Variants in MRTFB observed in about 807,000 individuals in gnomAD.
MRTFB encodes the protein myocardin-related transcription factor B.
A neutral mutation model predicts 104.2 loss-of-function variants in MRTFB; 29 were observed. The ratio of observed to expected loss-of-function variants is 0.28; its 90% confidence interval spans 0.21 to 0.38. The LOEUF is 0.38. Among genes scored for constraint, MRTFB ranks in the 10% least tolerant of loss-of-function variants. The pLI, the probability that MRTFB is intolerant of heterozygous loss-of-function variation, is 1.00. For missense variants in MRTFB, 1,270 were observed against 1,341.6 expected (o/e 0.95, Z 0.83); for synonymous variants, 535 against 519.5 (o/e 1.03, Z -0.41).
intron 3 of MRTFB, chr16:14,186,593 G>A (rs566116827): frequency 6.7e-5 from 42 of 629,460 alleles, no homozygotes; most frequent in South Asian, 5.7e-4. Flanking sequence ...TCCCCAGCGC[G>A]GGGGAAGCTG....
intron 8 of MRTFB, among the ~76,000 whole-genome samples, chr16:14,222,676 C>T (rs1315569359): frequency 6.6e-6 from 1 of 151,494 alleles, no homozygotes; most frequent in Admixed American, 6.6e-5. Flanking sequence ...CACTTGACCC[C>T]AGGAGTTCAA....
At chr16:14,160,830 C>A (rs980648887) in intron 3 of MRTFB, among the ~76,000 whole-genome samples, 3 of 152,118 alleles carry the variant, frequency 2.0e-5, no homozygotes, top group Non-Finnish European at 4.4e-5. Context: ...TGACCCCTTT[C>A]ATGGTGGTTT....
the MRTFB span, among the ~76,000 whole-genome samples, chr16:14,031,378 A>G: frequency 6.7e-6 from 1 of 150,272 alleles, no homozygotes; most frequent in South Asian, 2.1e-4. Context: ...TGGGCGACAG[A>G]GTGAGGCTGT....
chr16:14,078,583 A>G (rs964346515), intron 1 of MRTFB, among the ~76,000 whole-genome samples: 3 of 141,724 alleles, frequency 2.1e-5, no homozygotes, highest in Non-Finnish European at 4.6e-5. Flanking sequence ...GGGCACCACC[A>G]CTCCTGGCAA....
intron 3 of MRTFB, among the ~76,000 whole-genome samples, 194 bp from the exon 4 acceptor site, chr16:14,210,049 T>C (rs13334851): frequency 0.054 from 8,241 of 152,310 alleles, 696 homozygotes; most frequent in African/African-American, 0.18. Context: ...GTGTAAACTT[T>C]AGTGTTCACT....
chr16:14,131,779 A>T (rs886496000), intron 2 of MRTFB, among the ~76,000 whole-genome samples: 2 of 95,864 alleles, frequency 2.1e-5, no homozygotes, highest in Non-Finnish European at 3.5e-5. Context: ...ACTATAATTT[A>T]AAAAAAAAAA....
At chr16:14,127,917 ATATATATATATATTTTTTTTTTTT>A (rs1291841461) in intron 2 of MRTFB, among the ~76,000 whole-genome samples, 1,037 of 51,100 alleles carry the variant, frequency 0.02, 22 homozygotes, top group African/African-American at 0.06. Context: ...ATATATATAT[ATATATATATATATTTTTTTTTTTT>A]TTTTTTTTTT....
intron 2 of MRTFB, among the ~76,000 whole-genome samples, chr16:14,080,328 A>G (rs2034321889): frequency 6.6e-6 from 1 of 152,232 alleles, no homozygotes; most frequent in African/African-American, 2.4e-5. Context: ...GTTAATGTAT[A>G]TGTAACTTTT....
At chr16:14,106,042 T>A (rs917914455) in intron 2 of MRTFB, among the ~76,000 whole-genome samples, 2 of 152,220 alleles carry the variant, frequency 1.3e-5, no homozygotes, top group African/African-American at 4.8e-5. Context: ...AAACTAAGTC[T>A]CTTAATGCTA....
chr16:14,081,356 G>GT (rs377727430), intron 2 of MRTFB, among the ~76,000 whole-genome samples: 29 of 143,914 alleles, frequency 2.0e-4, no homozygotes, highest in African/African-American at 5.3e-4. Flanking sequence ...GCAATGCTGT[G>GT]ATCTTGGCTC....
At chr16:14,140,089 C>A (rs916520109) in intron 2 of MRTFB, among the ~76,000 whole-genome samples, 1 of 152,196 alleles carries the variant, frequency 6.6e-6, no homozygotes, top group Non-Finnish European at 1.5e-5. Context: ...CTGTTATTCT[C>A]ACCCTGAGAC....
intron 3 of MRTFB, among the ~76,000 whole-genome samples, chr16:14,153,585 A>G (rs1407544579): frequency 6.6e-6 from 1 of 152,174 alleles, no homozygotes; most frequent in Non-Finnish European, 1.5e-5. Flanking sequence ...AATTTGAAGG[A>G]TTTTCTAGAT....
Position 14,261,740 on chromosome 16 carries a change from CAAA to C in MRTFB, c.*297_*299del, listed in dbSNP as rs577844803. ...AATGAAAAGTACCTTTAGATAAAAACAAAGAAGAGTAATATATGCAGCACAGTG... is the reference window on the plus strand; with the variant it reads ...AATGAAAAGTACCTTTAGATAAAAACGAAGAGTAATATATGCAGCACAGTG... On this transcript the variant is annotated 3_prime_UTR_variant, in exon 17 of 17. Transcript: ENST00000571589. 278 of 310,408 alleles carry C rather than the reference CAAA, an allele frequency of 9.0e-4. No individual in the cohort carries two copies. The highest frequency in any genetic ancestry group is 1.4e-3 in the Non-Finnish European group (245 of 168,966). 19.2% of individuals were successfully genotyped at this position (310,408 alleles called of 1,614,324 possible). A position where few individuals can be genotyped will look rare whatever the true frequency, so the allele number is the denominator to read the frequency against.
At chr16:14,238,310 G>A (rs1020575255) in intron 9 of MRTFB, among the ~76,000 whole-genome samples, 1 of 152,138 alleles carries the variant, frequency 6.6e-6, no homozygotes, top group Non-Finnish European at 1.5e-5. Flanking sequence ...TAAAGGTTTT[G>A]CCAGGTGTCT....
chr16:14,052,146 G>C, the MRTFB span, among the ~76,000 whole-genome samples: 9 of 150,990 alleles, frequency 6.0e-5, no homozygotes, highest in Non-Finnish European at 1.0e-4. Context: ...GTTTTGCATG[G>C]GGGGGTGCTG....
At chr16:14,068,962 GC>G (rs1236271532), upstream of MRTFB, among the ~76,000 whole-genome samples, 3 of 125,980 alleles carry the variant, frequency 2.4e-5, no homozygotes, top group African/African-American at 6.8e-5. Context: ...AGATTCTCCA[GC>G]TTTTTTTTTT....
At chr16:14,082,714 G>C (rs949933450) in intron 2 of MRTFB, among the ~76,000 whole-genome samples, 8 of 152,142 alleles carry the variant, frequency 5.3e-5, no homozygotes, top group African/African-American at 1.9e-4. Flanking sequence ...AGGAGTTCGA[G>C]GTTGCAGTGA....
the MRTFB span, among the ~76,000 whole-genome samples, chr16:14,049,115 G>A: frequency 6.6e-6 from 1 of 152,298 alleles, no homozygotes; most frequent in South Asian, 2.1e-4. Flanking sequence ...AGTGGGTAGA[G>A]GCCAAGGATG....
the MRTFB span, among the ~76,000 whole-genome samples, chr16:14,024,067 G>A: frequency 0.016 from 2,465 of 151,916 alleles, 72 homozygotes; most frequent in African/African-American, 0.056. Flanking sequence ...AAAAAAGAAT[G>A]GTGCCTGGTG....
Sources: gnomAD v4.1 joint callset for allele counts (sites outside exome capture counted in the v4.1 genomes callset) on GRCh38, gnomAD v4.1.1 for gene constraint, MANE v1.5 for transcripts, NCBI Gene and HGNC (gene_info 2026-07-23, HGNC 2026-07-21) for gene names.